The following NBEAL1 variants were observed in gnomAD, a reference collection of about 807,000 sequenced individuals.
NBEAL1 encodes neurobeachin-like protein 1.
In NBEAL1, 273 loss-of-function variants were observed where a neutral mutation model predicts 351.3. The observed-to-expected ratio is 0.78, with a 90% CI of 0.70 to 0.86. NBEAL1 has a LOEUF of 0.86. NBEAL1 is among the 40% of genes least tolerant of loss of function. The pLI is 0.00. For missense variants in NBEAL1, 2,961 were observed against 3,201.3 expected (o/e 0.92, Z 1.81); for synonymous variants, 1,050 against 1,086.4 (o/e 0.97, Z 0.66).
intron 15 of NBEAL1, among the ~76,000 whole-genome samples, chr2:203,110,992 T>C (rs1279454023): frequency 6.6e-6 from 1 of 151,958 alleles, no homozygotes; most frequent in Non-Finnish European, 1.5e-5. Context: ...TCTTGATCTC[T>C]TGACCTTGTG....
At position 203,077,833 on chromosome 2, in the gene NBEAL1, G is replaced by T; in HGVS notation, c.680G>T (p.Gly227Val). 7.0e-7 allele frequency: 1 copy of T among 1,435,216 alleles called. No homozygotes were observed. The highest frequency in any genetic ancestry group is 9.2e-7 in the Non-Finnish European group (1 of 1,087,518). The allele number at this position is 1,435,216 out of a possible 1,614,324, so 88.9% of individuals were successfully genotyped here. A position where few individuals can be genotyped will look rare whatever the true frequency, so the allele number is the denominator to read the frequency against. Reference sequence around the variant, plus strand: ...CTCTTTGGAGCCATTGTAGCCGGTGGGCAGGTAAGGAAAGTGTTGAAATTT... The same window carrying T: ...CTCTTTGGAGCCATTGTAGCCGGTGTGCAGGTAAGGAAAGTGTTGAAATTT... ...LHLFGAIVAG[G>V]QRNALQAISP... Residue 227 changes from glycine to valine, a missense_variant, in exon 8 of 56, where the codon GGG becomes GTG. Coordinates refer to ENST00000683969, the MANE Select transcript of NBEAL1 (RefSeq NM_001378026.1).
chr2:203,203,706 A>C (rs1393846494), intron 51 of NBEAL1, among the ~76,000 whole-genome samples: 1 of 151,818 alleles, frequency 6.6e-6, no homozygotes, highest in Non-Finnish European at 1.5e-5. Flanking sequence ...ATCCTATCTC[A>C]AAAAAAATTG....
chr2:203,034,924 T>G (rs2061018040), intron 2 of NBEAL1, among the ~76,000 whole-genome samples: 1 of 149,412 alleles, frequency 6.7e-6, no homozygotes. Flanking sequence ...CTTTTAAAAT[T>G]CAATTCATAT....
chr2:203,124,007 T>G (rs1476414247), intron 19 of NBEAL1, among the ~76,000 whole-genome samples: 3 of 152,018 alleles, frequency 2.0e-5, no homozygotes. Context: ...CACAAAGAGC[T>G]CTTCAAAACT....
chr2:203,117,426 G>C (rs2062725652), intron 18 of NBEAL1, among the ~76,000 whole-genome samples: 1 of 151,552 alleles, frequency 6.6e-6, no homozygotes, highest in Non-Finnish European at 1.5e-5. Flanking sequence ...TCGTGCCACT[G>C]CACTCCAGCC....
chr2:203,139,557 C>CTTTTTTTT lies in NBEAL1; in HGVS notation c.4848+831_4848+838dup, dbSNP rs370861737. On this transcript the variant is annotated intron_variant, in intron 31 of 55. Transcript: ENST00000683969. ...CTGACAACAGGTTGCCCACCCCCAC[C>CTTTTTTTT]TTTTTTTTTTTTTTTTTTTTTTTTT... is the stretch of plus-strand genomic sequence containing the variant. Among the ~76,000 whole-genome samples, 161 of 67,652 alleles carry CTTTTTTTT rather than the reference C, an allele frequency of 2.4e-3. 23 individuals carry two copies. The highest frequency in any genetic ancestry group is 8.7e-3 in the East Asian group (17 of 1,944). 44.4% of individuals were successfully genotyped at this position (67,652 alleles called of 152,430 possible).
chr2:203,049,794 T>C lies in NBEAL1; in HGVS notation c.144-20T>C. 5.3e-6 allele frequency: 8 copies of C among 1,497,638 alleles called. No homozygotes were observed. Among genetic ancestry groups the C allele is most frequent in the Non-Finnish European group, 7.1e-6 (8 of 1,120,850 alleles). The allele number at this position is 1,497,638 out of a possible 1,614,324, so 92.8% of individuals were successfully genotyped here. ...CTTGTATTTCAACAGGCTTCTTATT[T>C]TTTTCCCTTTCTGTTGTAGGGTAGA... On this transcript the variant is annotated intron_variant, in intron 3 of 55. Coordinates refer to ENST00000683969, the MANE Select transcript of NBEAL1 (RefSeq NM_001378026.1).
At chr2:203,089,193 T>C (rs1574952800) in intron 10 of NBEAL1, among the ~76,000 whole-genome samples, 5 of 152,128 alleles carry the variant, frequency 3.3e-5, no homozygotes, top group Admixed American at 2.6e-4. Flanking sequence ...ACCCTGTCTC[T>C]ATTAAAAATA....
intron 44 of NBEAL1, among the ~76,000 whole-genome samples, chr2:203,183,875 G>A (rs772677414): frequency 4.6e-5 from 7 of 151,684 alleles, no homozygotes; most frequent in Non-Finnish European, 8.8e-5. Flanking sequence ...TCAGGAGTTC[G>A]GAGATCAACC....
At chr2:203,154,474 C>CT (rs1559411096) in intron 35 of NBEAL1, among the ~76,000 whole-genome samples, 1 of 151,980 alleles carries the variant, frequency 6.6e-6, no homozygotes, top group Non-Finnish European at 1.5e-5. Context: ...TCATGGTTTT[C>CT]TTTTTTTAAA....
intron 14 of NBEAL1, among the ~76,000 whole-genome samples, chr2:203,109,767 A>C (rs2062520680): frequency 2.0e-5 from 3 of 152,010 alleles, no homozygotes; most frequent in Admixed American, 2.0e-4. Context: ...TGATCTGCCC[A>C]CCTCGGCCTG....
chr2:203,100,830 G>C (rs1336805249), intron 12 of NBEAL1, among the ~76,000 whole-genome samples: 1 of 152,116 alleles, frequency 6.6e-6, no homozygotes, highest in Admixed American at 6.6e-5. Flanking sequence ...TTACAGGCAT[G>C]AACCACCACA....
At chr2:203,130,091 A>G (rs62182211) in intron 24 of NBEAL1, among the ~76,000 whole-genome samples, 67,012 of 151,990 alleles carry the variant, frequency 0.44, 17,092 homozygotes, top group Middle Eastern at 0.67. Context: ...GAGCCTGGGA[A>G]GTCGAGGCTG....
At chr2:203,170,769 A>G (rs1223529509) in intron 39 of NBEAL1, among the ~76,000 whole-genome samples, 1 of 152,230 alleles carries the variant, frequency 6.6e-6, no homozygotes, top group Non-Finnish European at 1.5e-5. Flanking sequence ...CCTCTGCAAT[A>G]AACTTTATTC....
intron 49 of NBEAL1, among the ~76,000 whole-genome samples, chr2:203,199,815 TCCTC>T (rs1384968781): frequency 6.6e-6 from 1 of 152,018 alleles, no homozygotes; most frequent in Non-Finnish European, 1.5e-5. Flanking sequence ...CTTCCCTCCT[TCCTC>T]CCTCCATTCC....
intron 7 of NBEAL1, 150 bp from the exon 8 acceptor site, chr2:203,077,602 C>T: frequency 2.4e-6 from 1 of 414,650 alleles, no homozygotes; most frequent in Non-Finnish European, 4.2e-6. Context: ...TTTTCTTTTC[C>T]TAAGACAAAA....
rs753826767 is a variant in NBEAL1 at position 203,135,771 on chromosome 2, C to A, written c.3908C>A (p.Ala1303Glu). Residue 1303 changes from alanine to glutamate, a missense_variant, in exon 28 of 56, where the codon GCA becomes GAA. Transcript: ENST00000683969. ...QDTLVRLFLK[A>E]KFENGNTLHK... is the part of the protein sequence containing the mutation. ...ACCTTAGTTAGGCTTTTTTTAAAAGCAAAATTTGAAAACGGAAATACTCTT... is the reference window on the plus strand; with the variant it reads ...ACCTTAGTTAGGCTTTTTTTAAAAGAAAAATTTGAAAACGGAAATACTCTT... 102 of 1,604,486 alleles carry A rather than the reference C, an allele frequency of 6.4e-5. No individual in the cohort carries two copies. Among genetic ancestry groups the A allele is most frequent in the Admixed American group, 5.1e-5 (3 of 58,330 alleles).
At chr2:203,213,704 T>C in intron 55 of NBEAL1, 51 bp downstream of exon 55, 1 of 1,607,424 alleles carries the variant, frequency 6.2e-7, no homozygotes, top group Non-Finnish European at 8.5e-7. Context: ...GGGATTACTT[T>C]GGTTCTCCTT....
At chr2:203,054,733 A>G (rs993018746) in intron 4 of NBEAL1, among the ~76,000 whole-genome samples, 11 of 152,154 alleles carry the variant, frequency 7.2e-5, no homozygotes, top group African/African-American at 2.7e-4. Context: ...TACTTTTAGG[A>G]TAATATTGTC....
Sources: gnomAD v4.1 joint callset for allele counts (sites outside exome capture counted in the v4.1 genomes callset) on GRCh38, gnomAD v4.1.1 for gene constraint, MANE v1.5 for transcripts, NCBI Gene and HGNC (gene_info 2026-07-23, HGNC 2026-07-21) for gene names.